Variants in GSG1L observed in about 807,000 individuals in gnomAD.
GSG1L encodes GSG1 like, also known as germ cell-specific gene 1-like protein.
Under a neutral mutation model 42.1 loss-of-function variants are expected in GSG1L, and 24 were observed. That is an observed-to-expected ratio of 0.57 (90% CI 0.41 to 0.80). The LOEUF is 0.80. Among genes scored for constraint, GSG1L ranks in the 30% least tolerant of loss-of-function variants. The pLI is 0.00. For missense variants in GSG1L, 445 were observed against 472.2 expected, an observed-to-expected ratio of 0.94 and a Z score of 0.53; for synonymous variants, 215 against 203.5, an observed-to-expected ratio of 1.06 and a Z score of -0.48.
chr16:28,053,639 C>G (rs1300228214), intron 1 of GSG1L, among the ~76,000 whole-genome samples: 1 of 152,208 alleles, frequency 6.6e-6, no homozygotes, highest in Non-Finnish European at 1.5e-5. Context: ...CTACCGCCTC[C>G]CCTGGGCTAT....
intron 3 of GSG1L, among the ~76,000 whole-genome samples, chr16:27,853,438 C>T (rs10438534): frequency 1.3e-5 from 2 of 152,054 alleles, no homozygotes; most frequent in African/African-American, 4.8e-5. Flanking sequence ...AAATCTTTCC[C>T]GCTCCAATTT....
At chr16:28,057,621 C>T (rs773202018) in intron 1 of GSG1L, among the ~76,000 whole-genome samples, 8 of 152,208 alleles carry the variant, frequency 5.3e-5, no homozygotes, top group African/African-American at 1.4e-4. Context: ...AACAGATACA[C>T]GGTTCAGATG....
chr16:27,866,494 C>T lies in GSG1L; in HGVS notation c.550+17992G>A, dbSNP rs144684134. ...TGGAAAATTTGGCCCAAAGCACACA[C>T]CTGGTGTTGAGGCCAGGATCCACAC... On this transcript the variant is annotated intron_variant, in intron 3 of 6. Coordinates refer to ENST00000447459, the MANE Select transcript of GSG1L (RefSeq NM_001109763.2). Among the ~76,000 whole-genome samples the T allele has an allele frequency of 1.6e-3, 239 of 152,284 alleles. 2 individuals are homozygous for T. Among genetic ancestry groups the T allele is most frequent in the African/African-American group, 5.2e-3 (218 of 41,542 alleles).
chr16:27,885,983 G>A (rs1314909189), intron 2 of GSG1L, among the ~76,000 whole-genome samples: 1 of 152,040 alleles, frequency 6.6e-6, no homozygotes, highest in Non-Finnish European at 1.5e-5. Context: ...GCTTTTTGCC[G>A]GGAGAGACTC....
At chr16:27,846,553 C>T (rs1413054377) in intron 3 of GSG1L, among the ~76,000 whole-genome samples, 1 of 152,086 alleles carries the variant, frequency 6.6e-6, no homozygotes, top group Non-Finnish European at 1.5e-5. Flanking sequence ...CTATTTATCC[C>T]CAAATACGAG....
intron 2 of GSG1L, 141 bp downstream of exon 2, chr16:27,963,015 A>G: frequency 1.4e-6 from 1 of 691,256 alleles, no homozygotes. Flanking sequence ...GGGCTTTGCA[A>G]CAGGGTGTCT....
intron 3 of GSG1L, among the ~76,000 whole-genome samples, chr16:27,852,449 G>A (rs1182192825): frequency 2.0e-5 from 3 of 152,050 alleles, no homozygotes; most frequent in African/African-American, 4.8e-5. Context: ...CAGTCAAGAG[G>A]AGAAGTCCCG....
intron 1 of GSG1L, among the ~76,000 whole-genome samples, chr16:27,977,051 C>T (rs780438909): frequency 2.0e-5 from 3 of 152,174 alleles, no homozygotes; most frequent in Non-Finnish European, 4.4e-5. Flanking sequence ...AGCCAGGATC[C>T]CACAACCCGG....
At chr16:28,030,325 C>T (rs1336885252) in intron 1 of GSG1L, among the ~76,000 whole-genome samples, 6 of 152,142 alleles carry the variant, frequency 3.9e-5, no homozygotes, top group Non-Finnish European at 7.4e-5. Flanking sequence ...TAGGGATGGA[C>T]CCAAGCCCAA....
chr16:27,873,155 TG>T (rs2083843843), intron 3 of GSG1L, among the ~76,000 whole-genome samples: 1 of 152,230 alleles, frequency 6.6e-6, no homozygotes. Flanking sequence ...TCAATAAATG[TG>T]AGCTATTGGT....
chr16:27,974,276 A>C lies in GSG1L; in HGVS notation c.350-11073T>G, dbSNP rs8044902. On this transcript the variant is annotated intron_variant, in intron 1 of 6. Transcript: ENST00000447459. ...GTCAGGGCCTTCAAAGAAAAACGTC[A>C]CGGGAAAGCTGGACTTTGGGGTCAT... 8.3e-3 allele frequency among the ~76,000 whole-genome samples: 1,269 copies of C among 152,244 alleles called. 18 individuals carry two copies. Among genetic ancestry groups the C allele is most frequent in the African/African-American group, 0.029 (1,186 of 41,544 alleles).
At chr16:27,948,013 G>A (rs1239269922) in intron 2 of GSG1L, among the ~76,000 whole-genome samples, 1 of 152,116 alleles carries the variant, frequency 6.6e-6, no homozygotes, top group Non-Finnish European at 1.5e-5. Context: ...CAAAGGGGAG[G>A]AATAAAGATT....
intron 1 of GSG1L, among the ~76,000 whole-genome samples, chr16:28,031,267 G>T: frequency 7.2e-6 from 1 of 139,132 alleles, no homozygotes; most frequent in Non-Finnish European, 1.6e-5. Context: ...GAATGGGATG[G>T]GATGGGATGG....
At chr16:28,034,891 C>A (rs929492232) in intron 1 of GSG1L, among the ~76,000 whole-genome samples, 1 of 152,176 alleles carries the variant, frequency 6.6e-6, no homozygotes, top group African/African-American at 2.4e-5. Flanking sequence ...AGTTGAGAAC[C>A]CCTATACTAG....
At chr16:27,985,847 C>T (rs536720560) in intron 1 of GSG1L, among the ~76,000 whole-genome samples, 2 of 152,048 alleles carry the variant, frequency 1.3e-5, no homozygotes, top group African/African-American at 4.8e-5. Flanking sequence ...AAAAACATTA[C>T]CCAGTCTCAG....
intron 1 of GSG1L, among the ~76,000 whole-genome samples, chr16:28,054,003 G>A (rs568159476): frequency 1.2e-4 from 18 of 151,962 alleles, no homozygotes; most frequent in South Asian, 2.1e-4. Context: ...TGGTCCCCTC[G>A]GTCCCCCTCG....
chr16:27,885,697 A>T (rs920796950), intron 2 of GSG1L, among the ~76,000 whole-genome samples: 1 of 152,170 alleles, frequency 6.6e-6, no homozygotes, highest in Non-Finnish European at 1.5e-5. Context: ...TCCTCTAGGA[A>T]CCTGCACTTA....
intron 1 of GSG1L, among the ~76,000 whole-genome samples, chr16:28,050,709 G>A (rs868082559): frequency 6.6e-6 from 1 of 152,182 alleles, no homozygotes; most frequent in Non-Finnish European, 1.5e-5. Context: ...AGAGGTTATG[G>A]CTTATGCTGT....
At chr16:28,047,505 C>T (rs1239975053) in intron 1 of GSG1L, among the ~76,000 whole-genome samples, 7 of 151,994 alleles carry the variant, frequency 4.6e-5, no homozygotes, top group African/African-American at 1.4e-4. Context: ...TTAAGACTCT[C>T]GGATTGTACC....
Sources: gnomAD v4.1 joint callset for allele counts (sites outside exome capture counted in the v4.1 genomes callset) on GRCh38, gnomAD v4.1.1 for gene constraint, MANE v1.5 for transcripts, NCBI Gene and HGNC (gene_info 2026-07-23, HGNC 2026-07-21) for gene names.